The following STRA6 variants were observed in gnomAD, a reference collection of about 807,000 sequenced individuals.
The protein encoded by STRA6 is signaling receptor and transporter of retinol STRA6.
In STRA6, 48 loss-of-function variants were observed where a neutral mutation model predicts 83.6. That is an observed-to-expected ratio of 0.57 (90% confidence interval 0.46 to 0.73). STRA6 has a LOEUF of 0.73. STRA6 is among the 30% of genes least tolerant of loss of function. The pLI is 0.00. For missense variants in STRA6, 760 were observed against 838.8 expected (o/e 0.91, Z 1.16); for synonymous variants, 353 against 362.3 (o/e 0.97, Z 0.29).
upstream of STRA6, chr15:74,202,991 TCA>T: frequency 1.0e-6 from 1 of 986,124 alleles, no homozygotes; most frequent in South Asian, 4.7e-5. Context: ...GCACCTGACT[TCA>T]CACACATACC....
intron 8 of STRA6, among the ~76,000 whole-genome samples, chr15:74,192,221 G>A (rs1426108273): frequency 6.6e-6 from 1 of 152,162 alleles, no homozygotes; most frequent in Non-Finnish European, 1.5e-5. Context: ...GGCTGGCAAT[G>A]GAGAGAGAGA....
chr15:74,187,309 C>T (rs937328069), intron 12 of STRA6, among the ~76,000 whole-genome samples: 1 of 152,232 alleles, frequency 6.6e-6, no homozygotes, highest in African/African-American at 2.4e-5. Context: ...CTCTTTGCCA[C>T]CTCTGGGATC....
At chr15:74,200,491 T>G (rs990675741) in intron 2 of STRA6, among the ~76,000 whole-genome samples, 1 of 152,202 alleles carries the variant, frequency 6.6e-6, no homozygotes, top group African/African-American at 2.4e-5. Flanking sequence ...TCCACTGCCA[T>G]CAGTGTTCAT....
chr15:74,207,775 G>T (rs1347401678), upstream of STRA6: 2 of 1,535,728 alleles, frequency 1.3e-6, no homozygotes, highest in East Asian at 2.4e-5. Flanking sequence ...TGAGCTTGGG[G>T]TGTGCCCTCA....
Position 74,182,394 on chromosome 15 carries a change from G to A in STRA6, c.1367C>T (p.Pro456Leu), listed in dbSNP as rs755700889. The change falls in exon 15 of 19, where the codon CCT (proline) becomes CTT (leucine). Residue 456 changes from proline (P) to leucine (L), a missense_variant. Transcript: ENST00000395105. The stretch of plus-strand genomic sequence containing the variant: ...CAGGAGGTTCCTGCCATGGAGCACA[G>A]GCATGAGCACCAGGAAGGCCAGGGC... Reference protein sequence around the residue: ...TTALAFLVLMPVLHGRNLLLF... With the variant: ...TTALAFLVLMLVLHGRNLLLF... 9.3e-6 allele frequency: 15 copies of A among 1,613,580 alleles called. No homozygotes were observed. In the Admixed American group the frequency reaches 1.7e-4, roughly 18 times the overall value.
chr15:74,183,730 T>C lies in STRA6; in HGVS notation c.1300+126A>G, dbSNP rs1282599459. On this transcript the variant is annotated intron_variant, in intron 14 of 18. Transcript: ENST00000395105. ...CAGGGGGGTCCCTCCTTCTTGCTGC[T>C]GCCCCAGAGCATTCCCAGACAAACT... 3.8e-6 allele frequency: 6 copies of C among 1,594,270 alleles called. No individual in the cohort carries two copies. In the African/African-American group the frequency reaches 6.7e-5, roughly 18 times the overall value.
intron 1 of STRA6, among the ~76,000 whole-genome samples, chr15:74,208,229 G>T (rs940743315): frequency 6.6e-6 from 1 of 152,136 alleles, no homozygotes; most frequent in African/African-American, 2.4e-5. Flanking sequence ...TTCTAGAGTA[G>T]TGAGGCCCCC....
chr15:74,207,822 T>G (rs375111627), intron 1 of STRA6: 44 of 1,535,084 alleles, frequency 2.9e-5, no homozygotes, highest in South Asian at 2.7e-4. Context: ...CCAACTGCCC[T>G]TCGCACACAT....
At chr15:74,210,191 C>G (rs550332160), upstream of STRA6, among the ~76,000 whole-genome samples, 1 of 152,312 alleles carries the variant, frequency 6.6e-6, no homozygotes, top group Admixed American at 6.5e-5. Flanking sequence ...CTTTGGCACA[C>G]TTTTAGGAAT....
At chr15:74,202,124 A>T in intron 2 of STRA6, 31 bp downstream of exon 2, 1 of 1,457,342 alleles carries the variant, frequency 6.9e-7, no homozygotes, top group Non-Finnish European at 9.0e-7. Flanking sequence ...CTGATGGCTG[A>T]CAGAGTGAGG....
intron 2 of STRA6, among the ~76,000 whole-genome samples, chr15:74,198,384 T>A (rs961500490): frequency 1.3e-5 from 2 of 152,170 alleles, no homozygotes; most frequent in Admixed American, 1.3e-4. Context: ...GTGCTGGGAT[T>A]ACAGGTGTGA....
At chr15:74,193,742 G>A in intron 8 of STRA6, 58 bp downstream of exon 8, 1 of 1,607,460 alleles carries the variant, frequency 6.2e-7, no homozygotes, top group Non-Finnish European at 8.5e-7. Flanking sequence ...CACAGATACG[G>A]GGGAGTAGGG....
At chr15:74,185,111 G>A (rs2073178731) in intron 12 of STRA6, 56 bp from the exon 13 acceptor site, 1 of 1,572,682 alleles carries the variant, frequency 6.4e-7, no homozygotes, top group Non-Finnish European at 8.7e-7. Context: ...GTCTCCTGGA[G>A]GCCTCAGAAC....
At position 74,185,436 on chromosome 15, in the gene STRA6, G is replaced by A. The variant is rs962102734; in HGVS notation, c.1091-381C>T. 8.5e-5 allele frequency among the ~76,000 whole-genome samples: 13 copies of A among 152,338 alleles called. No homozygotes were observed. In the South Asian group the frequency reaches 1.4e-3, roughly 17 times the overall value. The stretch of plus-strand genomic sequence containing the variant: ...CTTCTCCCCAGGCCCCCATTTGCTC[G>A]TGAACATACCGCACGCCGTTATGCT... On this transcript the variant is annotated intron_variant, in intron 12 of 18. Coordinates refer to ENST00000395105, the MANE Select transcript of STRA6 (RefSeq NM_022369.4).
intron 16 of STRA6, 40 bp from the exon 17 acceptor site, chr15:74,181,498 G>T (rs888301090): frequency 1.1e-5 from 18 of 1,606,968 alleles, no homozygotes; most frequent in Non-Finnish European, 1.5e-5. Context: ...CCGTTCCCCA[G>T]AGCTCCCTCC....
upstream of STRA6, chr15:74,209,138 C>T: frequency 4.6e-6 from 6 of 1,309,642 alleles, no homozygotes; most frequent in Non-Finnish European, 5.9e-6. Context: ...CCCACCCCAC[C>T]CCCATCTCCA....
intron 7 of STRA6, chr15:74,195,047 C>T: frequency 2.1e-6 from 3 of 1,444,660 alleles, no homozygotes; most frequent in Middle Eastern, 2.6e-4. Context: ...CTTCCCCCTA[C>T]TCTGCCCACT....
intron 14 of STRA6, chr15:74,183,640 C>A: frequency 6.9e-7 from 1 of 1,445,622 alleles, no homozygotes; most frequent in Non-Finnish European, 9.1e-7. Flanking sequence ...GTGGAGGGTA[C>A]ACACTCAATT....
intron 16 of STRA6, among the ~76,000 whole-genome samples, 161 bp downstream of exon 16, chr15:74,182,000 T>C (rs2141997810): frequency 6.6e-6 from 1 of 152,298 alleles, no homozygotes; most frequent in Admixed American, 6.5e-5. Flanking sequence ...GCTGAGCCAT[T>C]GTCCCTTTTC....
Sources: allele counts gnomAD v4.1 joint callset (sites outside exome capture counted in the v4.1 genomes callset), GRCh38; gene constraint gnomAD v4.1.1; transcripts MANE v1.5; gene names NCBI Gene and HGNC (gene_info 2026-07-23, HGNC 2026-07-21).